GABRG1: variants seen among roughly 807,000 people sequenced by gnomAD.
GABRG1 encodes gamma-aminobutyric acid type A receptor subunit gamma1, also known as gamma-aminobutyric acid receptor subunit gamma-1.
A neutral mutation model predicts 49.8 loss-of-function variants in GABRG1; 49 were observed. The observed-to-expected ratio is 0.98, with a 90% CI of 0.78 to 1.25. The LOEUF (loss-of-function observed/expected upper bound fraction) is 1.25. Ranked by LOEUF, GABRG1 falls within the 50% of genes most tolerant of loss-of-function variation. The pLI is 0.00. For missense variants in GABRG1, 552 were observed against 552.3 expected (o/e 1.00, Z 0.01); for synonymous variants, 232 against 185.1 (o/e 1.25, Z -2.06).
intron 5 of GABRG1, among the ~76,000 whole-genome samples, chr4:46,060,598 C>T (rs1200089313): frequency 6.6e-6 from 1 of 152,060 alleles, no homozygotes; most frequent in Non-Finnish European, 1.5e-5. Flanking sequence ...AAACAGAATT[C>T]ACTAATTAAC....
intron 2 of GABRG1, among the ~76,000 whole-genome samples, chr4:46,086,134 T>C (rs1719743697): frequency 6.6e-6 from 1 of 151,666 alleles, no homozygotes; most frequent in Admixed American, 6.6e-5. Context: ...GGTTTCTTTC[T>C]GTGCTGTTAT....
chr4:46,123,854 C>A lies in GABRG1; in HGVS notation c.60G>T (p.Gly20=). Residue 20 remains glycine (G), a synonymous_variant, in exon 1 of 9, where the codon GGG becomes GGT. Coordinates refer to ENST00000295452, the MANE Select transcript of GABRG1 (RefSeq NM_173536.4). ...SPFLLRSQSR[G]VRLVFLLLTL... Reference sequence around the variant, plus strand: ...TCAGTAACAAGAAGACCAACCTCACCCCTCTACTTTGACTCCGCAGAAGAA... The same window carrying A: ...TCAGTAACAAGAAGACCAACCTCACACCTCTACTTTGACTCCGCAGAAGAA... 6.2e-7 allele frequency: 1 copy of A among 1,613,696 alleles called. No homozygotes were observed. Among genetic ancestry groups the A allele is most frequent in the East Asian group, 2.2e-5 (1 of 44,836 alleles).
At chr4:46,076,471 T>C (rs1300708288) in intron 3 of GABRG1, among the ~76,000 whole-genome samples, 1 of 147,800 alleles carries the variant, frequency 6.8e-6, no homozygotes, top group Non-Finnish European at 1.5e-5. Flanking sequence ...AAGTCACTCT[T>C]TTCTGATAAA....
chr4:46,099,115 CTCT>C (rs1441703052), intron 1 of GABRG1, among the ~76,000 whole-genome samples: 1 of 151,542 alleles, frequency 6.6e-6, no homozygotes, highest in Non-Finnish European at 1.5e-5. Context: ...AATGTTTCTC[CTCT>C]TCTTGTGAAA....
intron 1 of GABRG1, among the ~76,000 whole-genome samples, chr4:46,101,774 A>C (rs1362318085): frequency 2.6e-5 from 4 of 151,738 alleles, no homozygotes; most frequent in Non-Finnish European, 5.9e-5. Flanking sequence ...TATTAACAAA[A>C]AGTACACATC....
intron 1 of GABRG1, among the ~76,000 whole-genome samples, chr4:46,117,346 T>G (rs1720929347): frequency 6.6e-6 from 1 of 150,412 alleles, no homozygotes; most frequent in African/African-American, 2.4e-5. Context: ...GAATACATTG[T>G]TTCTGGGAGG....
chr4:46,041,595 A>T (rs1717786783), intron 8 of GABRG1, among the ~76,000 whole-genome samples: 1 of 152,002 alleles, frequency 6.6e-6, no homozygotes, highest in African/African-American at 2.4e-5. Flanking sequence ...TAACAGTGCT[A>T]TACACATCTT....
chr4:46,094,899 A>C, intron 2 of GABRG1, among the ~76,000 whole-genome samples: 1 of 151,968 alleles, frequency 6.6e-6, no homozygotes, highest in South Asian at 2.1e-4. Flanking sequence ...TCCAATACAA[A>C]TCAATTGTGG....
chr4:46,047,168 A>G (rs919087351), intron 8 of GABRG1, among the ~76,000 whole-genome samples: 3 of 152,018 alleles, frequency 2.0e-5, no homozygotes, highest in Admixed American at 1.3e-4. Context: ...TGAATATTAT[A>G]TTTTGTTTAA....
rs1321634903 is a variant in GABRG1, at chr4:46,076,361, TCATATATATATATATATATATA to T, written c.321+7603_321+7624del. 2.9e-3 allele frequency among the ~76,000 whole-genome samples: 225 copies of T among 78,146 alleles called. 2 individuals are homozygous for T. Among genetic ancestry groups the T allele is most frequent in the African/African-American group, 1.0e-2 (201 of 20,182 alleles). 51.3% of individuals were successfully genotyped at this position (78,146 alleles called of 152,430 possible). ...TACCTAAATTTATCTTAGGTCATGT[TCATATATATATATATATATATA>T]TATATATATATATATATATATGCTA... On this transcript the variant is annotated intron_variant, in intron 3 of 8. Coordinates refer to ENST00000295452, the MANE Select transcript of GABRG1 (RefSeq NM_173536.4).
At chr4:46,078,814 CAAATT>C (rs1719455628) in intron 3 of GABRG1, among the ~76,000 whole-genome samples, 1 of 151,800 alleles carries the variant, frequency 6.6e-6, no homozygotes, top group South Asian at 2.1e-4. Context: ...TTTTATAAAA[CAAATT>C]AAAAAATTTT....
chr4:46,072,588 C>A (rs1478332798), intron 3 of GABRG1, among the ~76,000 whole-genome samples: 1 of 152,022 alleles, frequency 6.6e-6, no homozygotes, highest in Admixed American at 6.6e-5. Context: ...CTGAAGTTTG[C>A]TTCATATTTC....
At chr4:46,113,818 A>T (rs1375006818) in intron 1 of GABRG1, among the ~76,000 whole-genome samples, 1 of 151,126 alleles carries the variant, frequency 6.6e-6, no homozygotes, top group Non-Finnish European at 1.5e-5. Context: ...AAATAAATAT[A>T]TGTTGTCTCC....
rs1373077817 is a variant in GABRG1 at position 46,124,027 on chromosome 4, C to A, written c.-114G>T. On this transcript the variant is annotated 5_prime_UTR_variant, in exon 1 of 9. Coordinates refer to ENST00000295452, the MANE Select transcript of GABRG1 (RefSeq NM_173536.4). Reference sequence around the variant, plus strand: ...GAAGGGAGAGTGTGGAAAGGCAGTGCACCTCCCAAACAGGTAGGATGCGAC... The same window carrying A: ...GAAGGGAGAGTGTGGAAAGGCAGTGAACCTCCCAAACAGGTAGGATGCGAC... 2 of 740,002 alleles carry A rather than the reference C, an allele frequency of 2.7e-6. No individual in the cohort carries two copies. The highest frequency in any genetic ancestry group is 3.5e-5 in the African/African-American group (2 of 57,110). The allele number at this position is 740,002 out of a possible 1,614,324, so 45.8% of individuals were successfully genotyped here. A position where few individuals can be genotyped will look rare whatever the true frequency, so the allele number is the denominator to read the frequency against.
At chr4:46,068,322 G>A (rs893141589) in intron 3 of GABRG1, among the ~76,000 whole-genome samples, 2 of 152,100 alleles carry the variant, frequency 1.3e-5, no homozygotes, top group Non-Finnish European at 2.9e-5. Flanking sequence ...ATGCTACTTG[G>A]CAGTTATACT....
rs1005289661 is a variant in GABRG1 at position 46,051,472 on chromosome 4, T to C, written c.1083A>G (p.Gln361=). The change falls in exon 8 of 9, where the codon CAA becomes CAG. Residue 361 remains glutamine (Q), a synonymous_variant. Transcript: ENST00000295452. ...YGTLHYFTSN[Q]KGKTATKDRK... is the part of the protein sequence containing the mutation. Reference sequence around the variant, plus strand: ...TGTCTTTAGTAGCAGTCTTTCCTTTTTGGTTGCTGGTAAAATAATGCAAGG... The same window carrying C: ...TGTCTTTAGTAGCAGTCTTTCCTTTCTGGTTGCTGGTAAAATAATGCAAGG... 2 of 1,610,726 alleles carry C rather than the reference T, an allele frequency of 1.2e-6. No individual in the cohort carries two copies. The highest frequency in any genetic ancestry group is 1.3e-5 in the African/African-American group (1 of 74,732).
intron 5 of GABRG1, among the ~76,000 whole-genome samples, chr4:46,060,715 T>C (rs1718639084): frequency 1.3e-5 from 2 of 152,154 alleles, no homozygotes; most frequent in African/African-American, 4.8e-5. Flanking sequence ...AATAAACTAT[T>C]TTATCTTTCC....
At chr4:46,062,695 G>A (rs1718746555) in intron 5 of GABRG1, among the ~76,000 whole-genome samples, 1 of 151,714 alleles carries the variant, frequency 6.6e-6, no homozygotes, top group Non-Finnish European at 1.5e-5. Context: ...TGGAAATGAA[G>A]GGTATTCAAT....
rs202099787 is a variant in GABRG1, at chr4:46,082,618, A to AAGCT, written c.321+1364_321+1367dup. Among the ~76,000 whole-genome samples the AAGCT allele has an allele frequency of 4.1e-3, 627 of 151,924 alleles. 7 individuals carry two copies. The highest frequency in any genetic ancestry group is 0.014 in the African/African-American group (601 of 41,520). ...CATTCCAACTGAATTTCTCCTAACA[A>AAGCT]AGCTAATCAACACCACCTACTTGTG... On this transcript the variant is annotated intron_variant, in intron 3 of 8. Transcript: ENST00000295452.
Sources: allele counts gnomAD v4.1 joint callset (sites outside exome capture counted in the v4.1 genomes callset), GRCh38; gene constraint gnomAD v4.1.1; transcripts MANE v1.5; gene names NCBI Gene and HGNC (gene_info 2026-07-23, HGNC 2026-07-21).